The following GALNT17 variants were observed in gnomAD, a reference collection of about 807,000 sequenced individuals.
GALNT17 encodes the protein UDP-GalNAc:polypeptide N-acetylgalactosaminyltransferase-like 3.
A neutral mutation model predicts 63.7 loss-of-function variants in GALNT17; 29 were observed. That is an observed-to-expected ratio of 0.46 (90% CI 0.34 to 0.62). The LOEUF is 0.62. GALNT17 is among the 20% of genes least tolerant of loss of function. The pLI is 0.01. For missense variants in GALNT17, 603 were observed against 799.6 expected (o/e 0.75, Z 2.97); for synonymous variants, 305 against 318.3 (o/e 0.96, Z 0.45).
chr7:71,436,030 A>AT (rs1405279180), intron 5 of GALNT17, among the ~76,000 whole-genome samples: 1 of 106,196 alleles, frequency 9.4e-6, no homozygotes, highest in Admixed American at 8.8e-5. Context: ...AAAAAAAAGA[A>AT]AAAAAAAAAA....
chr7:71,284,927 A>G (rs1790845828), intron 1 of GALNT17, among the ~76,000 whole-genome samples: 1 of 152,100 alleles, frequency 6.6e-6, no homozygotes, highest in Admixed American at 6.6e-5. Flanking sequence ...ATGGGTATAA[A>G]AAACTTACAG....
intron 1 of GALNT17, among the ~76,000 whole-genome samples, chr7:71,163,596 T>G (rs999997371): frequency 2.0e-5 from 3 of 152,236 alleles, no homozygotes; most frequent in Non-Finnish European, 2.9e-5. Flanking sequence ...CCGTTTCTTC[T>G]AGTTTAGATT....
At position 71,245,848 on chromosome 7, in the gene GALNT17, G is replaced by GTTTT. The variant is rs542136452; in HGVS notation, c.239-89689_239-89686dup. ...AGGTCTGCAGAGAGCAAGAGAGCAG[G>GTTTT]TTTTTTTTTTTTTTTTGCAAAGGTA... On this transcript the variant is annotated intron_variant, in intron 1 of 10. Transcript: ENST00000333538. 5.9e-4 allele frequency among the ~76,000 whole-genome samples: 72 copies of GTTTT among 122,892 alleles called. 1 individual carries two copies. Among genetic ancestry groups the GTTTT allele is most frequent in the African/African-American group, 1.9e-3 (66 of 34,452 alleles). The allele number at this position is 122,892 out of a possible 152,430, so 80.6% of individuals were successfully genotyped here. A position where few individuals can be genotyped will look rare whatever the true frequency, so the allele number is the denominator to read the frequency against.
At chr7:71,360,566 T>G (rs1792379045) in intron 2 of GALNT17, among the ~76,000 whole-genome samples, 1 of 152,248 alleles carries the variant, frequency 6.6e-6, no homozygotes, top group African/African-American at 2.4e-5. Context: ...TTACTAAATT[T>G]CAGATATCAC....
chr7:71,139,708 G>T (rs920129488), intron 1 of GALNT17, among the ~76,000 whole-genome samples: 1 of 152,012 alleles, frequency 6.6e-6, no homozygotes, highest in Non-Finnish European at 1.5e-5. Context: ...AGAGAGGAAT[G>T]GTGGCCGGGC....
intron 6 of GALNT17, among the ~76,000 whole-genome samples, chr7:71,656,903 T>G (rs1790836846): frequency 6.6e-6 from 1 of 152,206 alleles, no homozygotes; most frequent in Non-Finnish European, 1.5e-5. Context: ...TATAATAGCA[T>G]GCAAGCTCTT....
chr7:71,527,762 C>T (rs546181934), intron 5 of GALNT17, among the ~76,000 whole-genome samples: 13 of 152,226 alleles, frequency 8.5e-5, no homozygotes, highest in African/African-American at 2.4e-4. Flanking sequence ...TGTGTGTATG[C>T]GCACGCGTGC....
chr7:71,494,989 G>A (rs1021916156), intron 5 of GALNT17, among the ~76,000 whole-genome samples: 1 of 152,158 alleles, frequency 6.6e-6, no homozygotes, highest in Non-Finnish European at 1.5e-5. Context: ...TGAGATTTGG[G>A]GCCAGGTGCA....
intron 5 of GALNT17, among the ~76,000 whole-genome samples, chr7:71,532,909 G>A (rs982595069): frequency 6.6e-6 from 1 of 152,292 alleles, no homozygotes; most frequent in African/African-American, 2.4e-5. Context: ...TTTTGGTGTG[G>A]ATTATACAAA....
chr7:71,480,138 C>A (rs1787790195), intron 5 of GALNT17, among the ~76,000 whole-genome samples: 1 of 149,218 alleles, frequency 6.7e-6, no homozygotes, highest in South Asian at 2.1e-4. Flanking sequence ...CTTGGAGACC[C>A]CCTCTTTTTT....
At chr7:71,479,880 G>A (rs866014719) in intron 5 of GALNT17, among the ~76,000 whole-genome samples, 4 of 152,180 alleles carry the variant, frequency 2.6e-5, no homozygotes, top group South Asian at 2.1e-4. Context: ...TGCTATTCCT[G>A]TGAAATGGTG....
intron 6 of GALNT17, among the ~76,000 whole-genome samples, chr7:71,638,998 AGAAT>A (rs1271896681): frequency 2.0e-5 from 3 of 152,218 alleles, no homozygotes; most frequent in Non-Finnish European, 2.9e-5. Context: ...AAAAATAAAA[AGAAT>A]GAATAAGACC....
intron 5 of GALNT17, among the ~76,000 whole-genome samples, chr7:71,446,235 TTA>T (rs1226757742): frequency 6.6e-6 from 1 of 152,146 alleles, no homozygotes; most frequent in Non-Finnish European, 1.5e-5. Flanking sequence ...ACTTTAAAAA[TTA>T]TAGTGTAAAA....
At chr7:71,557,281 T>C (rs1584048074) in intron 5 of GALNT17, among the ~76,000 whole-genome samples, 1 of 152,204 alleles carries the variant, frequency 6.6e-6, no homozygotes, top group Non-Finnish European at 1.5e-5. Flanking sequence ...TTCTCCACCA[T>C]GCAAAAATCT....
intron 1 of GALNT17, among the ~76,000 whole-genome samples, chr7:71,201,701 G>A (rs1336437434): frequency 6.7e-6 from 1 of 150,358 alleles, no homozygotes; most frequent in African/African-American, 2.5e-5. Flanking sequence ...GCATGCTTTC[G>A]GCTCACTGCA....
At chr7:71,657,902 A>ATGGATGGATGGG (rs1790853202) in intron 6 of GALNT17, among the ~76,000 whole-genome samples, 1 of 14,298 alleles carries the variant, frequency 7.0e-5, no homozygotes, top group South Asian at 3.4e-3. Context: ...GGATGGATGG[A>ATGGATGGATGGG]TGGGTGGATG....
intron 2 of GALNT17, among the ~76,000 whole-genome samples, chr7:71,357,808 C>G (rs1046130094): frequency 1.3e-5 from 2 of 152,132 alleles, no homozygotes; most frequent in Admixed American, 1.3e-4. Context: ...TAAAATGCAC[C>G]AATCAGCGCC....
At chr7:71,212,182 C>T (rs949825757) in intron 1 of GALNT17, among the ~76,000 whole-genome samples, 8 of 152,186 alleles carry the variant, frequency 5.3e-5, no homozygotes, top group Admixed American at 5.2e-4. Flanking sequence ...GCCTGGGGAC[C>T]TGGTGCCCTG....
chr7:71,268,615 G>A (rs949149036), intron 1 of GALNT17, among the ~76,000 whole-genome samples: 1 of 151,974 alleles, frequency 6.6e-6, no homozygotes, highest in African/African-American at 2.4e-5. Context: ...AGATTGGGCT[G>A]CCTGCCAGAG....
Sources: gnomAD v4.1 joint callset for allele counts (sites outside exome capture counted in the v4.1 genomes callset) on GRCh38, gnomAD v4.1.1 for gene constraint, MANE v1.5 for transcripts, NCBI Gene and HGNC (gene_info 2026-07-23, HGNC 2026-07-21) for gene names.